Variants in GPRIN2 observed in about 807,000 individuals in gnomAD.
GPRIN2 encodes G protein regulated inducer of neurite outgrowth 2.
In GPRIN2, 1 loss-of-function variant was observed where a neutral mutation model predicts 0.3. That is an observed-to-expected ratio of 3.90 (90% CI 1.39 to 18.51). The LOEUF (loss-of-function observed/expected upper bound fraction) is 18.51. GPRIN2 is among the 30% of genes most tolerant of loss of function. GPRIN2 has a pLI of 0.11. For synonymous variants in GPRIN2, 361 were observed against 258.6 expected, an observed-to-expected ratio of 1.40 and a Z score of -3.80; for missense variants, 880 against 604.2, an observed-to-expected ratio of 1.46 and a Z score of -4.79.
rs1465487994 is a variant in GPRIN2 at position 46,549,326 on chromosome 10, G to T, written c.*34C>A. 1.4e-6 allele frequency: 2 copies of T among 1,456,452 alleles called. No homozygotes were observed. The highest frequency in any genetic ancestry group is 1.8e-6 in the Non-Finnish European group (2 of 1,105,052). 90.2% of individuals were successfully genotyped at this position (1,456,452 alleles called of 1,614,324 possible). The stretch of plus-strand genomic sequence containing the variant: ...CTGGCCCAGGTCTAGGACTAAGTCA[G>T]TGGGCCCAGGCCAGCTCCAAGGGCC... On this transcript the variant is annotated 3_prime_UTR_variant, in exon 3 of 3. Coordinates refer to ENST00000374314, the MANE Select transcript of GPRIN2 (RefSeq NM_001385282.1).
rs1832551072 is a variant in GPRIN2 at position 46,549,918 on chromosome 10, C to G, written c.819G>C (p.Gln273His). 1.3e-5 allele frequency: 21 copies of G among 1,614,140 alleles called. No homozygotes were observed. The highest frequency in any genetic ancestry group is 1.6e-5 in the Non-Finnish European group (19 of 1,180,042). The change falls in exon 3 of 3, where the codon CAG becomes CAC. Residue 273 changes from glutamine to histidine, a missense_variant. Physicochemically the swap from Gln to His is conservative, Grantham distance 24. Transcript: ENST00000374314. ...ASVSESGLQA[Q>H]HGVKIHCRLS... ...ACCTACAGTGGATCTTCACCCCATG[C>G]TGAGCCTGCAGCCCAGACTCGCTCA...
rs1833050147 is a variant in GPRIN2 at position 46,542,931 on chromosome 10, A to G, written c.*6429T>C. Among the ~76,000 whole-genome samples, 569 of 152,074 alleles carry G rather than the reference A, an allele frequency of 3.7e-3. No individual in the cohort carries two copies. Among genetic ancestry groups the G allele is most frequent in the Non-Finnish European group, 6.1e-3 (417 of 67,816 alleles). Reference sequence around the variant, plus strand: ...CACCCACCTGATGTACCTCTCTAGCAGCCTAGCCAGCCAGCCACCAACAAG... The same window carrying G: ...CACCCACCTGATGTACCTCTCTAGCGGCCTAGCCAGCCAGCCACCAACAAG... On this transcript the variant is annotated 3_prime_UTR_variant, in exon 3 of 3. Transcript: ENST00000374314.
At chr10:46,551,409 C>T in intron 2 of GPRIN2, 1 of 985,524 alleles carries the variant, frequency 1.0e-6, no homozygotes, top group Non-Finnish European at 1.2e-6. Flanking sequence ...GGTTCCCTGA[C>T]TCCTACCTCT....
intron 2 of GPRIN2, 89 bp downstream of exon 2, chr10:46,554,496 C>T (rs1831992537): frequency 7.3e-3 from 1,108 of 152,410 alleles, no homozygotes; most frequent in African/African-American, 0.025. Context: ...TGGTTTTGCC[C>T]TAAAGGGACC....
At position 46,548,696 on chromosome 10, in the gene GPRIN2, T is replaced by C. The variant is rs1842390188; in HGVS notation, c.*664A>G. On this transcript the variant is annotated 3_prime_UTR_variant, in exon 3 of 3. Transcript: ENST00000374314. ...GTATGAGCTCAGTAAATTCTCCTCA[T>C]ACATGACTGCACTGACTGGACCGGG... Among the ~76,000 whole-genome samples the C allele has an allele frequency of 6.6e-6, 1 of 152,304 alleles. No homozygotes were observed.
rs112620425 is a variant in GPRIN2 at position 46,550,016 on chromosome 10, C to CCTCCCTCAT, written c.712_720dup (p.Met238_Glu240dup). The CCTCCCTCAT allele has an allele frequency of 1.9e-6, 3 of 1,613,780 alleles. No homozygotes were observed. The highest frequency in any genetic ancestry group is 1.7e-5 in the Admixed American group (1 of 60,010). ...GCATGGCAGCAGCCACCAGCCCTCA[C>CCTCCCTCAT]CTCCCTCATGCCACAGAGTAGAGCA... is the stretch of plus-strand genomic sequence containing the variant. On this transcript the variant is annotated inframe_insertion, in exon 3 of 3. Coordinates refer to ENST00000374314, the MANE Select transcript of GPRIN2 (RefSeq NM_001385282.1).
rs1832677962 is a variant in GPRIN2 at position 46,549,564 on chromosome 10, C to A, written c.1173G>T (p.Trp391Cys). The A allele has an allele frequency of 1.2e-6, 2 of 1,614,032 alleles. No individual in the cohort carries two copies. Among genetic ancestry groups the A allele is most frequent in the African/African-American group, 2.7e-5 (2 of 74,964 alleles). Reference protein sequence around the residue: ...DVRWDAEGMTWEVYGAAVDLE... With the variant: ...DVRWDAEGMTCEVYGAAVDLE... ...GGTCCACCGCAGCTCCGTACACCTC[C>A]CATGTCATGCCCTCAGCATCCCATC... The change falls in exon 3 of 3, where the codon TGG becomes TGT. Residue 391 changes from tryptophan to cysteine, a missense_variant. Coordinates refer to ENST00000374314, the MANE Select transcript of GPRIN2 (RefSeq NM_001385282.1).
chr10:46,543,637 G>A lies in GPRIN2; in HGVS notation c.*5723C>T, dbSNP rs1329792595. Among the ~76,000 whole-genome samples the A allele has an allele frequency of 6.6e-5, 10 of 152,414 alleles. No homozygotes were observed. The South Asian group carries it at 1.0e-3, about 16-fold the overall frequency. On this transcript the variant is annotated 3_prime_UTR_variant, in exon 3 of 3. Transcript: ENST00000374314. ...GGGCGATGACTGCATGGCTAAAAGC[G>A]CACACCTTAAAACTAGACACACTCC...
upstream of GPRIN2, among the ~76,000 whole-genome samples, chr10:46,557,214 A>G (rs1831747467): frequency 6.6e-6 from 1 of 152,272 alleles, no homozygotes; most frequent in African/African-American, 2.4e-5. Context: ...CCTGGTCTCC[A>G]CTAGCCTCGG....
At position 46,545,568 on chromosome 10, in the gene GPRIN2, T is replaced by G. The variant is rs1428741695; in HGVS notation, c.*3792A>C. ...TCCTCAATGCACTCTGGGAACTACA[T>G]TTTCAGAAGCCCCAGCCAGAGGGCC... is the stretch of plus-strand genomic sequence containing the variant. On this transcript the variant is annotated 3_prime_UTR_variant, in exon 3 of 3. Coordinates refer to ENST00000374314, the MANE Select transcript of GPRIN2 (RefSeq NM_001385282.1). Among the ~76,000 whole-genome samples the G allele has an allele frequency of 6.6e-6, 1 of 152,312 alleles. No individual in the cohort carries two copies. Among genetic ancestry groups the G allele is most frequent in the Non-Finnish European group, 1.5e-5 (1 of 68,058 alleles).
At position 46,550,188 on chromosome 10, in the gene GPRIN2, A is replaced by G. The variant is rs1832454904; in HGVS notation, c.549T>C (p.Ser183=). The G allele has an allele frequency of 5.6e-6, 9 of 1,600,654 alleles. No individual in the cohort carries two copies. In the East Asian group the frequency reaches 2.0e-4, roughly 36 times the overall value. The part of the protein sequence containing the change: ...ERDLAPEDET[S]NSAWMLGASQ... ...TCGCCCCCAGCATCCAGGCTGAGTT[A>G]GAAGTCTCATCCTCAGGAGCCAGGT... The change falls in exon 3 of 3, where the codon TCT becomes TCC. Residue 183 remains serine (S), a synonymous_variant. Transcript: ENST00000374314.
chr10:46,545,030 G>A lies in GPRIN2; in HGVS notation c.*4330C>T, dbSNP rs1842031491. ...ACCAGGCCAGGCCAGAATGAAAAAG[G>A]AGAAGGAATTTAACATGGGCAAATG... is the stretch of plus-strand genomic sequence containing the variant. On this transcript the variant is annotated 3_prime_UTR_variant, in exon 3 of 3. Transcript: ENST00000374314. Among the ~76,000 whole-genome samples, 1 of 152,302 alleles carries A rather than the reference G, an allele frequency of 6.6e-6. No homozygotes were observed. The highest frequency in any genetic ancestry group is 1.5e-5 in the Non-Finnish European group (1 of 68,056).
At chr10:46,556,456 C>A (rs1291250894) in intron 1 of GPRIN2, among the ~76,000 whole-genome samples, 42 bp downstream of exon 1, 1 of 152,264 alleles carries the variant, frequency 6.6e-6, no homozygotes, top group Admixed American at 6.5e-5. Context: ...CCGCCCACCA[C>A]GCCCCCCGCC....
Position 46,550,012 on chromosome 10 carries a change from C to CCCACCTCCT in GPRIN2, c.724_725insAGGAGGTGG (p.Arg242delinsLysGluValGly), listed in dbSNP as rs2131597290. ...TAGGGCATGGCAGCAGCCACCAGCC[C>CCCACCTCCT]TCACCTCCCTCATGCCACAGAGTAG... On this transcript the variant is annotated protein_altering_variant, in exon 3 of 3. Coordinates refer to ENST00000374314, the MANE Select transcript of GPRIN2 (RefSeq NM_001385282.1). The CCCACCTCCT allele has an allele frequency of 1.9e-6, 3 of 1,614,030 alleles. No homozygotes were observed. The highest frequency in any genetic ancestry group is 1.1e-5 in the South Asian group (1 of 91,084).
rs1841789132 is a variant in GPRIN2, at chr10:46,541,851, G to T, written c.*7509C>A. The stretch of plus-strand genomic sequence containing the variant: ...TCAATAAAGCAGCATCCGACTTCCT[G>T]CCCAGCTGTCCTACGGTATCCCAGG... On this transcript the variant is annotated 3_prime_UTR_variant, in exon 3 of 3. Transcript: ENST00000374314. 1.3e-5 allele frequency among the ~76,000 whole-genome samples: 2 copies of T among 152,310 alleles called. No individual in the cohort carries two copies. The highest frequency in any genetic ancestry group is 4.8e-5 in the African/African-American group (2 of 41,488).
rs1182888276 is a variant in GPRIN2 at position 46,556,641 on chromosome 10, G to T, written c.-261C>A. Among the ~76,000 whole-genome samples the T allele has an allele frequency of 5.3e-5, 8 of 152,062 alleles. No individual in the cohort carries two copies. In the East Asian group the frequency reaches 1.5e-3, roughly 29 times the overall value. On this transcript the variant is annotated 5_prime_UTR_variant, in exon 1 of 3. Coordinates refer to ENST00000374314, the MANE Select transcript of GPRIN2 (RefSeq NM_001385282.1). ...GCCCGCCGCCGTCGGCCCGGCCCGC[G>T]GAGCAAGCGCCGGGTACAGGGAGGG... is the stretch of plus-strand genomic sequence containing the variant.
chr10:46,543,375 A>G lies in GPRIN2; in HGVS notation c.*5985T>C, dbSNP rs1036995247. Among the ~76,000 whole-genome samples, 2 of 152,306 alleles carry G rather than the reference A, an allele frequency of 1.3e-5. No individual in the cohort carries two copies. The highest frequency in any genetic ancestry group is 4.8e-5 in the African/African-American group (2 of 41,488). ...GCAGACAGGTTCTGAATAACCCAGAACAAAGAGAACATGAAACCACAAAAG... is the reference window on the plus strand; with the variant it reads ...GCAGACAGGTTCTGAATAACCCAGAGCAAAGAGAACATGAAACCACAAAAG... On this transcript the variant is annotated 3_prime_UTR_variant, in exon 3 of 3. Transcript: ENST00000374314.
At chr10:46,557,374 C>T (rs1172727087), upstream of GPRIN2, among the ~76,000 whole-genome samples, 1 of 152,306 alleles carries the variant, frequency 6.6e-6, no homozygotes, top group Non-Finnish European at 1.5e-5. Context: ...CTCAAGAGCC[C>T]AGCCTGGTAG....
rs1235711031 is a variant in GPRIN2, at chr10:46,549,202, C to T, written c.*158G>A. The T allele has an allele frequency of 2.0e-6, 2 of 981,102 alleles. No homozygotes were observed. Among genetic ancestry groups the T allele is most frequent in the Non-Finnish European group, 2.8e-6 (2 of 706,412 alleles). The allele number at this position is 981,102 out of a possible 1,614,324, so 60.8% of individuals were successfully genotyped here. A position where few individuals can be genotyped will look rare whatever the true frequency, so the allele number is the denominator to read the frequency against. On this transcript the variant is annotated 3_prime_UTR_variant, in exon 3 of 3. Coordinates refer to ENST00000374314, the MANE Select transcript of GPRIN2 (RefSeq NM_001385282.1). ...CAGCCCAGCTGTGTAGGGCCGGAAG[C>T]CCCAGGCTGCAGTCCTGTGGTCTGG...
Sources: allele counts gnomAD v4.1 joint callset (sites outside exome capture counted in the v4.1 genomes callset), GRCh38; gene constraint gnomAD v4.1.1; transcripts MANE v1.5; gene names NCBI Gene and HGNC (gene_info 2026-07-23, HGNC 2026-07-21).